The following MAD1L1 variants were observed in gnomAD, a reference collection of about 807,000 sequenced individuals.
The protein encoded by MAD1L1 is mitotic arrest deficient 1 like 1, also known as mitotic spindle assembly checkpoint protein MAD1.
A neutral mutation model predicts 96.9 loss-of-function variants in MAD1L1; 95 were observed. That is an observed-to-expected ratio of 0.98 (90% CI 0.83 to 1.16). The LOEUF (loss-of-function observed/expected upper bound fraction) is 1.16, where lower values mean the gene tolerates loss of function less well. Ranked by LOEUF, MAD1L1 falls within the 50% of genes most tolerant of loss-of-function variation. The pLI is 0.00. For synonymous variants in MAD1L1, 473 were observed against 396.6 expected, an observed-to-expected ratio of 1.19 and a Z score of -2.29; for missense variants, 1,007 against 954.4, an observed-to-expected ratio of 1.06 and a Z score of -0.73.
intron 11 of MAD1L1, among the ~76,000 whole-genome samples, chr7:2,102,829 C>A (rs887518007): frequency 6.6e-6 from 1 of 152,246 alleles, no homozygotes; most frequent in African/African-American, 2.4e-5. Context: ...CTCAGGACCA[C>A]TCTCCACGCC....
At chr7:2,221,382 C>T (rs990439504) in intron 5 of MAD1L1, among the ~76,000 whole-genome samples, 3 of 152,180 alleles carry the variant, frequency 2.0e-5, no homozygotes, top group Admixed American at 6.5e-5. Context: ...CTCCTGCCAA[C>T]GTTCCCTCCA....
intron 9 of MAD1L1, 145 bp from the exon 10 acceptor site, chr7:2,213,418 GT>G: frequency 2.7e-6 from 2 of 742,550 alleles, no homozygotes; most frequent in Non-Finnish European, 4.7e-6. Context: ...CATGCTCCAA[GT>G]CTGCTTGGAA....
chr7:2,170,364 T>C (rs969637508), intron 10 of MAD1L1, among the ~76,000 whole-genome samples: 2 of 152,038 alleles, frequency 1.3e-5, no homozygotes, highest in African/African-American at 2.4e-5. Context: ...AGCCACTAAG[T>C]GTTCGGGGCT....
chr7:2,212,231 A>G (rs1352913254), intron 10 of MAD1L1, among the ~76,000 whole-genome samples: 4 of 152,334 alleles, frequency 2.6e-5, no homozygotes, highest in South Asian at 2.1e-4. Context: ...CTACCTGTCT[A>G]TAAGAATACC....
At chr7:2,100,250 T>C (rs1019092369) in intron 11 of MAD1L1, among the ~76,000 whole-genome samples, 4 of 152,232 alleles carry the variant, frequency 2.6e-5, no homozygotes, top group African/African-American at 9.6e-5. Context: ...CCAGCCTGTT[T>C]CTGAGCAGAG....
At chr7:1,952,739 A>G (rs1779556915) in intron 16 of MAD1L1, among the ~76,000 whole-genome samples, 1 of 152,156 alleles carries the variant, frequency 6.6e-6, no homozygotes, top group Admixed American at 6.5e-5. Context: ...AGAGAGGAGC[A>G]CTTCCCGAGG....
intron 12 of MAD1L1, among the ~76,000 whole-genome samples, chr7:2,018,821 C>T (rs945210350): frequency 3.9e-5 from 6 of 152,132 alleles, no homozygotes; most frequent in Admixed American, 2.0e-4. Flanking sequence ...TGCCTCCCTC[C>T]CTCCGCCCCC....
At chr7:2,097,825 G>A (rs141186823) in intron 11 of MAD1L1, among the ~76,000 whole-genome samples, 5 of 152,356 alleles carry the variant, frequency 3.3e-5, no homozygotes, top group East Asian at 1.9e-4. Context: ...TGGGAGCAGC[G>A]CCTGCATCGA....
intron 14 of MAD1L1, among the ~76,000 whole-genome samples, chr7:1,998,180 C>T (rs79498216): frequency 0.047 from 7,201 of 152,296 alleles, 574 homozygotes; most frequent in African/African-American, 0.16. Flanking sequence ...TCTGGAGAAG[C>T]CAGCACTCCA....
chr7:2,186,555 A>C (rs1253419709), intron 10 of MAD1L1, among the ~76,000 whole-genome samples: 1 of 152,268 alleles, frequency 6.6e-6, no homozygotes, highest in Non-Finnish European at 1.5e-5. Context: ...AGAGAAATCC[A>C]AGAAAGTTTC....
At chr7:2,219,496 A>T (rs1467435715) in intron 5 of MAD1L1, 40 bp from the exon 6 acceptor site, 3 of 1,602,382 alleles carry the variant, frequency 1.9e-6, no homozygotes, top group Non-Finnish European at 2.6e-6. Flanking sequence ...CAGTGAGTGG[A>T]GCCCGTGCGT....
In MAD1L1 at chr7:1,869,286, C is replaced by T. The variant is rs557135846; in HGVS notation, c.1998+28914G>A. On this transcript the variant is annotated intron_variant, in intron 18 of 18. Coordinates refer to ENST00000265854, the MANE Select transcript of MAD1L1 (RefSeq NM_001013836.2). ...AGCACCCCTTGCCTGGGACCCCCTC[C>T]CACAGCCTCTCCCAGAGGCCTCTCT... Among the ~76,000 whole-genome samples, 331 of 152,262 alleles carry T rather than the reference C, an allele frequency of 2.2e-3. 1 individual carries two copies. Among genetic ancestry groups the T allele is most frequent in the Non-Finnish European group, 4.0e-3 (273 of 67,998 alleles).
intron 18 of MAD1L1, among the ~76,000 whole-genome samples, chr7:1,850,657 T>C (rs1419334805): frequency 6.6e-6 from 1 of 152,088 alleles, no homozygotes; most frequent in Non-Finnish European, 1.5e-5. Flanking sequence ...AAAGCCATGG[T>C]TGCCCAAGTT....
chr7:2,222,715 G>A lies in MAD1L1; in HGVS notation c.331C>T (p.Arg111Trp), dbSNP rs747028541. 29 of 1,608,758 alleles carry A rather than the reference G, an allele frequency of 1.8e-5. No homozygotes were observed. The highest frequency in any genetic ancestry group is 2.7e-5 in the African/African-American group (2 of 74,856). Residue 111 changes from arginine to tryptophan, a missense_variant, in exon 5 of 19, where the codon CGG becomes TGG. Transcript: ENST00000265854. The part of the protein sequence containing the change: ...DRNQELLTRI[R>W]QLQEREAGAE... ...CCGGCCTCCCGCTCCTGAAGCTGCCGGATGCGCGTCAGGAGCTCCTGGTTG... is the reference window on the plus strand; with the variant it reads ...CCGGCCTCCCGCTCCTGAAGCTGCCAGATGCGCGTCAGGAGCTCCTGGTTG...
chr7:2,222,372 G>A (rs567906421), intron 5 of MAD1L1, among the ~76,000 whole-genome samples: 40 of 152,268 alleles, frequency 2.6e-4, no homozygotes, highest in African/African-American at 8.9e-4. Flanking sequence ...GAGCCACCGC[G>A]CCCGGCCCAA....
chr7:2,038,975 T>TACAGC (rs1235927854), intron 12 of MAD1L1, among the ~76,000 whole-genome samples: 3 of 152,208 alleles, frequency 2.0e-5, no homozygotes, highest in Non-Finnish European at 2.9e-5. Flanking sequence ...ACAGTCAAGA[T>TACAGC]ACAGCACATT....
chr7:2,095,221 T>C (rs947266309), intron 11 of MAD1L1, among the ~76,000 whole-genome samples: 1 of 152,162 alleles, frequency 6.6e-6, no homozygotes, highest in African/African-American at 2.4e-5. Flanking sequence ...TTTTTTTGTA[T>C]TTTTAGTAGA....
At chr7:2,190,482 TAA>T (rs1791666454) in intron 10 of MAD1L1, among the ~76,000 whole-genome samples, 1 of 152,166 alleles carries the variant, frequency 6.6e-6, no homozygotes, top group South Asian at 2.1e-4. Flanking sequence ...TTAGCAAAAT[TAA>T]AAGTTTTTAC....
chr7:2,149,034 G>A (rs1584430569), intron 11 of MAD1L1, 118 bp downstream of exon 11: 1 of 870,996 alleles, frequency 1.1e-6, no homozygotes, highest in Non-Finnish European at 1.9e-6. Flanking sequence ...CCAGACCAGG[G>A]CCAACCACAT....
Sources: allele counts gnomAD v4.1 joint callset (sites outside exome capture counted in the v4.1 genomes callset), GRCh38; gene constraint gnomAD v4.1.1; transcripts MANE v1.5; gene names NCBI Gene and HGNC (gene_info 2026-07-23, HGNC 2026-07-21).